The following WDR41 variants were observed in gnomAD, a reference collection of about 807,000 sequenced individuals.
The protein encoded by WDR41 is WD repeat-containing protein 41.
In WDR41, 63 loss-of-function variants were observed where a neutral mutation model predicts 69.3. That is an observed-to-expected ratio of 0.91 (90% CI 0.74 to 1.12). The LOEUF (loss-of-function observed/expected upper bound fraction) is 1.12, where lower values mean the gene tolerates loss of function less well. WDR41 is among the 50% of genes most tolerant of loss of function. The probability of loss-of-function intolerance (pLI) is 0.00; values close to 1 mark genes in which losing one functional copy is unlikely to be tolerated. For synonymous variants in WDR41, 185 were observed against 192.1 expected (o/e 0.96, Z 0.31); for missense variants, 543 against 534.5 (o/e 1.02, Z -0.16).
intron 5 of WDR41, among the ~76,000 whole-genome samples, chr5:77,455,133 C>T (rs1451274596): frequency 6.6e-6 from 1 of 152,074 alleles, no homozygotes; most frequent in Non-Finnish European, 1.5e-5. Context: ...TACAATTGCT[C>T]CACATTCTTA....
At chr5:77,441,544 G>C (rs578041035) in intron 8 of WDR41, among the ~76,000 whole-genome samples, 3 of 152,210 alleles carry the variant, frequency 2.0e-5, no homozygotes, top group African/African-American at 7.2e-5. Context: ...TTCGAGACCA[G>C]CCTGACCAAT....
At chr5:77,557,513 C>T (rs1458508397) in intron 1 of WDR41, among the ~76,000 whole-genome samples, 1 of 152,162 alleles carries the variant, frequency 6.6e-6, no homozygotes, top group Non-Finnish European at 1.5e-5. Flanking sequence ...AGTAAGATGA[C>T]ATTTCACATC....
upstream of WDR41, among the ~76,000 whole-genome samples, chr5:77,495,117 G>A (rs181848308): frequency 1.6e-3 from 236 of 152,062 alleles, 2 homozygotes; most frequent in Admixed American, 0.013. Context: ...CAAAACTTAC[G>A]GGATGCGGTA....
intron 4 of WDR41, among the ~76,000 whole-genome samples, chr5:77,461,070 TGTA>T (rs1800030451): frequency 1.3e-5 from 2 of 152,230 alleles, no homozygotes; most frequent in African/African-American, 4.8e-5. Context: ...AACTTCTGTA[TGTA>T]ATTTTAATCA....
chr5:77,506,054 A>C (rs192114257), intron 1 of WDR41, among the ~76,000 whole-genome samples: 2 of 152,352 alleles, frequency 1.3e-5, no homozygotes, highest in Non-Finnish European at 2.9e-5. Flanking sequence ...AATTAAACTA[A>C]AGAGCTTCTG....
chr5:77,603,830 T>G (rs1028873786), intron 1 of WDR41, among the ~76,000 whole-genome samples: 1 of 152,160 alleles, frequency 6.6e-6, no homozygotes, highest in African/African-American at 2.4e-5. Flanking sequence ...TTGAAGAGGG[T>G]GTCCTTTCCC....
intron 1 of WDR41, among the ~76,000 whole-genome samples, chr5:77,510,182 G>A (rs747237063): frequency 1.3e-5 from 2 of 152,212 alleles, no homozygotes; most frequent in South Asian, 2.1e-4. Context: ...CATGGTGGAA[G>A]GCAAGGAGCA....
chr5:77,510,067 T>C (rs1802175169), intron 1 of WDR41, among the ~76,000 whole-genome samples: 1 of 152,130 alleles, frequency 6.6e-6, no homozygotes. Flanking sequence ...GGTGTATTAG[T>C]CCATTTCCAC....
intron 1 of WDR41, 102 bp from the exon 2 acceptor site, chr5:77,489,674 A>G: frequency 1.7e-6 from 1 of 592,120 alleles, no homozygotes; most frequent in Non-Finnish European, 2.9e-6. Context: ...TATACATCTG[A>G]GAACACAAGA....
At chr5:77,539,632 C>T (rs1743053207) in intron 1 of WDR41, among the ~76,000 whole-genome samples, 1 of 151,876 alleles carries the variant, frequency 6.6e-6, no homozygotes, top group African/African-American at 2.4e-5. Flanking sequence ...CTGCATGTGG[C>T]TGAGGACAAG....
intron 1 of WDR41, among the ~76,000 whole-genome samples, chr5:77,618,267 G>C (rs1225253215): frequency 6.6e-6 from 1 of 152,092 alleles, no homozygotes; most frequent in African/African-American, 2.4e-5. Flanking sequence ...TGATTTAAAA[G>C]AATAACTTGC....
chr5:77,434,893 G>A (rs981232890), intron 12 of WDR41, among the ~76,000 whole-genome samples: 2 of 149,230 alleles, frequency 1.3e-5, no homozygotes, highest in Non-Finnish European at 3.0e-5. Flanking sequence ...CTTTTACATG[G>A]GGTTTTCCCT....
intron 9 of WDR41, 69 bp downstream of exon 9, chr5:77,440,744 A>C: frequency 6.7e-7 from 1 of 1,484,866 alleles, no homozygotes; most frequent in South Asian, 1.2e-5. Flanking sequence ...ATGGGATTAA[A>C]TTTTTAAAAT....
At chr5:77,475,804 G>A (rs890025080) in intron 2 of WDR41, among the ~76,000 whole-genome samples, 2 of 152,154 alleles carry the variant, frequency 1.3e-5, no homozygotes, top group Non-Finnish European at 2.9e-5. Context: ...ACCAGCAACG[G>A]AACAAAGCTG....
chr5:77,432,907 C>G lies in WDR41; in HGVS notation c.*228G>C, dbSNP rs1361999755. The G allele has an allele frequency of 2.3e-6, 1 of 435,632 alleles. No homozygotes were observed. The highest frequency in any genetic ancestry group is 2.0e-5 in the African/African-American group (1 of 49,180). 27.0% of individuals were successfully genotyped at this position (435,632 alleles called of 1,614,324 possible). A position where few individuals can be genotyped will look rare whatever the true frequency, so the allele number is the denominator to read the frequency against. Reference sequence around the variant, plus strand: ...ACAGCACTCACCACTTCAACAGCAGCTCAAAGTCAAATGGAAAAACTTGTG... The same window carrying G: ...ACAGCACTCACCACTTCAACAGCAGGTCAAAGTCAAATGGAAAAACTTGTG... On this transcript the variant is annotated 3_prime_UTR_variant, in exon 13 of 13. Transcript: ENST00000296679.
At chr5:77,535,107 C>A (rs1742950020) in intron 1 of WDR41, among the ~76,000 whole-genome samples, 1 of 152,078 alleles carries the variant, frequency 6.6e-6, no homozygotes, top group African/African-American at 2.4e-5. Flanking sequence ...GCTGGACAGT[C>A]TGAATCAGGT....
chr5:77,506,805 T>C (rs1802114880), intron 1 of WDR41, among the ~76,000 whole-genome samples: 1 of 151,682 alleles, frequency 6.6e-6, no homozygotes, highest in South Asian at 2.1e-4. Flanking sequence ...CCAAACACCA[T>C]ATGTTCTCAG....
chr5:77,509,118 A>G (rs1802158331), intron 1 of WDR41, among the ~76,000 whole-genome samples: 1 of 152,140 alleles, frequency 6.6e-6, no homozygotes, highest in Non-Finnish European at 1.5e-5. Flanking sequence ...CTGGCCTATG[A>G]TTTAGCTTAT....
chr5:77,434,267 C>T (rs866323046), intron 12 of WDR41, among the ~76,000 whole-genome samples: 4 of 151,970 alleles, frequency 2.6e-5, no homozygotes, highest in East Asian at 1.9e-4. Context: ...GTGGAGATTG[C>T]GCCATTGTAC....
Sources: allele counts gnomAD v4.1 joint callset (sites outside exome capture counted in the v4.1 genomes callset), GRCh38; gene constraint gnomAD v4.1.1; transcripts MANE v1.5; gene names NCBI Gene and HGNC (gene_info 2026-07-23, HGNC 2026-07-21).